Variants in NRSN1 observed in about 807,000 individuals in gnomAD.
The protein encoded by NRSN1 is neurensin-1.
A neutral mutation model predicts 17.3 loss-of-function variants in NRSN1; 14 were observed. That is an observed-to-expected ratio of 0.81 (90% CI 0.54 to 1.27). The LOEUF (loss-of-function observed/expected upper bound fraction) is 1.27, where lower values mean the gene tolerates loss of function less well. Among genes scored for constraint, NRSN1 ranks in the 50% most tolerant of loss-of-function variants. The pLI is 0.00. For synonymous variants in NRSN1, 79 were observed against 94.2 expected (o/e 0.84, Z 0.93); for missense variants, 209 against 235.9 (o/e 0.89, Z 0.75).
intron 2 of NRSN1, among the ~76,000 whole-genome samples, chr6:24,133,687 T>C (rs1324159342): frequency 6.6e-6 from 1 of 152,248 alleles, no homozygotes; most frequent in African/African-American, 2.4e-5. Context: ...TCTTGTGTGC[T>C]TCATGCTTAA....
At position 24,145,705 on chromosome 6, in the gene NRSN1, A is replaced by G; in HGVS notation, c.347A>G (p.Lys116Arg). Residue 116 changes from lysine (K) to arginine (R), a missense_variant, in exon 4 of 4, where the codon AAG becomes AGG. Transcript: ENST00000378491. This position sits in a 1 kb window ranked among gnomAD's most constrained non-coding sequence, Gnocchi z 4.4. ...TTTAACAGTGCTCTGGACATGTACA[A>G]GCTGGCAGGAGCTGTTCTCTTCTGC... ...VQFNSALDMY[K>R]LAGAVLFCIG... 1.2e-6 allele frequency: 2 copies of G among 1,614,198 alleles called. No individual in the cohort carries two copies. Among genetic ancestry groups the G allele is most frequent in the Non-Finnish European group, 1.7e-6 (2 of 1,180,014 alleles).
chr6:24,136,770 T>C (rs975664357), intron 3 of NRSN1, among the ~76,000 whole-genome samples: 6 of 152,196 alleles, frequency 3.9e-5, no homozygotes, highest in African/African-American at 1.4e-4. Context: ...CCCTTCTATT[T>C]TGCACAAACA....
chr6:24,131,813 T>G (rs1362418000), intron 2 of NRSN1, among the ~76,000 whole-genome samples: 1 of 152,238 alleles, frequency 6.6e-6, no homozygotes, highest in African/African-American at 2.4e-5. Context: ...CTTAAAATAT[T>G]AAAACTAGGT....
chr6:24,142,780 C>T (rs757620655), intron 3 of NRSN1, among the ~76,000 whole-genome samples: 13 of 152,124 alleles, frequency 8.5e-5, no homozygotes, highest in African/African-American at 1.2e-4. Flanking sequence ...AAAGGTAGTG[C>T]GGACCCAGAG....
At chr6:24,130,357 A>G (rs964172889) in intron 2 of NRSN1, among the ~76,000 whole-genome samples, 3 of 152,178 alleles carry the variant, frequency 2.0e-5, no homozygotes, top group African/African-American at 7.2e-5. Context: ...TACCTTTTTT[A>G]TGATACCAGA....
At chr6:24,139,904 CAG>C (rs1760175783) in intron 3 of NRSN1, among the ~76,000 whole-genome samples, 1 of 152,126 alleles carries the variant, frequency 6.6e-6, no homozygotes, top group Non-Finnish European at 1.5e-5. Flanking sequence ...GCCTGAATGA[CAG>C]AGAGTGACCC....
At chr6:24,141,727 A>G (rs1033429761) in intron 3 of NRSN1, among the ~76,000 whole-genome samples, 7 of 152,244 alleles carry the variant, frequency 4.6e-5, no homozygotes, top group Non-Finnish European at 8.8e-5. Flanking sequence ...CATCGAAAGC[A>G]CTGCTCAGCT....
intron 2 of NRSN1, among the ~76,000 whole-genome samples, chr6:24,133,070 C>A (rs1196613806): frequency 1.3e-5 from 2 of 150,200 alleles, no homozygotes; most frequent in Non-Finnish European, 3.0e-5. Context: ...TGATTAGTAA[C>A]AAAATCCATA....
chr6:24,141,243 C>A, intron 3 of NRSN1: 2 of 1,265,190 alleles, frequency 1.6e-6, no homozygotes, highest in Non-Finnish European at 2.0e-6. Context: ...GACCTGGGAC[C>A]AATTCGACTT....
chr6:24,129,615 T>C (rs1415191106), intron 2 of NRSN1: 1 of 152,186 alleles, frequency 6.6e-6, no homozygotes, highest in African/African-American at 2.4e-5. Context: ...TTTAGATATA[T>C]TGATTATAGA....
At chr6:24,132,365 T>C (rs764723459) in intron 2 of NRSN1, among the ~76,000 whole-genome samples, 26 of 152,200 alleles carry the variant, frequency 1.7e-4, no homozygotes, top group Non-Finnish European at 3.1e-4. Context: ...TTTTCTTTTG[T>C]AGATAAACAT....
chr6:24,142,841 G>C (rs115600404), intron 3 of NRSN1, among the ~76,000 whole-genome samples: 6 of 152,146 alleles, frequency 3.9e-5, no homozygotes, highest in African/African-American at 7.2e-5. Flanking sequence ...AGCTTCCACA[G>C]GGTGGAAAGA....
chr6:24,139,844 G>A (rs1316901946), intron 3 of NRSN1, among the ~76,000 whole-genome samples: 3 of 152,224 alleles, frequency 2.0e-5, no homozygotes, highest in Non-Finnish European at 2.9e-5. Context: ...GATTGCTTCA[G>A]GCCAAGAGTT....
intron 3 of NRSN1, among the ~76,000 whole-genome samples, chr6:24,137,160 T>C (rs964214206): frequency 6.6e-6 from 1 of 152,236 alleles, no homozygotes; most frequent in African/African-American, 2.4e-5. Flanking sequence ...CTGGGGGCTG[T>C]GCTCACAGTG....
Position 24,145,873 on chromosome 6 carries a change from C to T in NRSN1, c.515C>T (p.Pro172Leu). Residue 172 changes from proline (P) to leucine (L), a missense_variant, in exon 4 of 4, where the codon CCA (proline) becomes CTA (leucine). Physicochemically the swap from Pro to Leu is moderately conservative, Grantham distance 98. Coordinates refer to ENST00000378491, the MANE Select transcript of NRSN1 (RefSeq NM_080723.5). This position sits in a 1 kb window ranked among gnomAD's most constrained non-coding sequence, Gnocchi z 4.4. ...KAHTQPVTKA[P>L]GPGETKIPVT... ...CACACCCAGCCGGTTACAAAAGCTCCAGGGCCAGGGGAAACAAAGATTCCA... is the reference window on the plus strand; with the variant it reads ...CACACCCAGCCGGTTACAAAAGCTCTAGGGCCAGGGGAAACAAAGATTCCA... 6.2e-7 allele frequency: 1 copy of T among 1,614,196 alleles called. No homozygotes were observed. Among genetic ancestry groups the T allele is most frequent in the East Asian group, 2.2e-5 (1 of 44,892 alleles).
Position 24,134,303 on chromosome 6 carries a change from G to A in NRSN1, c.-9-16G>A. 6.2e-7 allele frequency: 1 copy of A among 1,609,074 alleles called. No homozygotes were observed. The highest frequency in any genetic ancestry group is 8.5e-7 in the Non-Finnish European group (1 of 1,176,742). On this transcript the variant is annotated splice_polypyrimidine_tract_variant and intron_variant, in intron 2 of 3. Transcript: ENST00000378491. The stretch of plus-strand genomic sequence containing the variant: ...AAAGCCTGTGGCATTAATCCATGTG[G>A]ATGTTGTCATTCCAGCTGGGAAGGA...
intron 3 of NRSN1, chr6:24,141,372 C>G (rs896357842): frequency 3.4e-6 from 2 of 593,782 alleles, no homozygotes. Context: ...CTGCTCTCCT[C>G]ACCTCCCATA....
At chr6:24,138,329 T>A (rs1173128707) in intron 3 of NRSN1, among the ~76,000 whole-genome samples, 1 of 152,210 alleles carries the variant, frequency 6.6e-6, no homozygotes, top group East Asian at 1.9e-4. Flanking sequence ...CACAGTCCCA[T>A]CACCCATTGC....
chr6:24,129,724 A>C (rs946131208), intron 2 of NRSN1: 1 of 152,216 alleles, frequency 6.6e-6, no homozygotes, highest in Non-Finnish European at 1.5e-5. Context: ...TAAGAACTGA[A>C]TATTCATTTA....
Sources: gnomAD v4.1 joint callset for allele counts (sites outside exome capture counted in the v4.1 genomes callset) on GRCh38, gnomAD v4.1.1 for gene constraint, Gnocchi (gnomAD v3.1) non-coding constraint, MANE v1.5 for transcripts, NCBI Gene and HGNC (gene_info 2026-07-23, HGNC 2026-07-21) for gene names.